The following PCDHA4 variants were observed in gnomAD, a reference collection of about 807,000 sequenced individuals.
PCDHA4 encodes protocadherin alpha 4.
A neutral mutation model predicts 61.4 loss-of-function variants in PCDHA4; 49 were observed. That is an observed-to-expected ratio of 0.80 (90% CI 0.63 to 1.01). The LOEUF (loss-of-function observed/expected upper bound fraction) is 1.01, where lower values mean the gene tolerates loss of function less well. Among genes scored for constraint, PCDHA4 ranks in the 50% least tolerant of loss-of-function variants. The pLI is 0.00. For synonymous variants in PCDHA4, 590 were observed against 550.3 expected (o/e 1.07, Z -1.01); for missense variants, 1,254 against 1,235.8 (o/e 1.01, Z -0.22).
chr5:140,822,199 TTA>T (rs2150114512), intron 1 of PCDHA4: 6 of 1,614,136 alleles, frequency 3.7e-6, no homozygotes, highest in Non-Finnish European at 5.1e-6. Flanking sequence ...ATTATTCATT[TTA>T]GAGTCAAGAA....
chr5:140,923,012 G>A (rs2081117924), intron 1 of PCDHA4, among the ~76,000 whole-genome samples: 1 of 152,206 alleles, frequency 6.6e-6, no homozygotes, highest in Non-Finnish European at 1.5e-5. Flanking sequence ...TTGTTGGACT[G>A]CAGTTTCGGA....
intron 3 of PCDHA4, among the ~76,000 whole-genome samples, chr5:140,991,593 C>T (rs2097461164): frequency 6.6e-6 from 1 of 152,196 alleles, no homozygotes; most frequent in South Asian, 2.1e-4. Flanking sequence ...TCTACCTGAG[C>T]CCTCACTGGC....
chr5:140,884,589 C>T, intron 1 of PCDHA4: 1 of 1,614,146 alleles, frequency 6.2e-7, no homozygotes, highest in Non-Finnish European at 8.5e-7. Flanking sequence ...GCCTTCAGTC[C>T]CAGCCTTCCT....
At chr5:140,990,109 T>C (rs2097374572) in intron 3 of PCDHA4, among the ~76,000 whole-genome samples, 1 of 151,886 alleles carries the variant, frequency 6.6e-6, no homozygotes, top group African/African-American at 2.4e-5. Context: ...AAACAGGAAA[T>C]TGAGAGCTCT....
chr5:140,823,804 G>T lies in PCDHA4; in HGVS notation c.2385+14232G>T, dbSNP rs2150129260. The stretch of plus-strand genomic sequence containing the variant: ...GGTGGAAAGTGGCCAGGCGCCGAAG[G>T]CCTCATCGCGGGCGTCGGCGGGCGC... On this transcript the variant is annotated intron_variant, in intron 1 of 3. Transcript: ENST00000530339. 5 of 1,613,812 alleles carry T rather than the reference G, an allele frequency of 3.1e-6. No individual in the cohort carries two copies. In the Admixed American group the frequency reaches 5.0e-5, roughly 16 times the overall value.
chr5:140,853,242 A>T, intron 1 of PCDHA4: 1 of 978,496 alleles, frequency 1.0e-6, no homozygotes, highest in Non-Finnish European at 1.2e-6. Context: ...CCTTCATATT[A>T]ATCTCTATTC....
At chr5:140,849,211 C>A in intron 1 of PCDHA4, 1 of 1,031,972 alleles carries the variant, frequency 9.7e-7, no homozygotes, top group East Asian at 2.6e-5. Context: ...AATGACAATG[C>A]CCCAGTGTTC....
chr5:140,824,115 C>T, intron 1 of PCDHA4: 1 of 1,613,932 alleles, frequency 6.2e-7, no homozygotes, highest in South Asian at 1.1e-5. Flanking sequence ...AGGGTCCCAC[C>T]TCTACAGACA....
intron 1 of PCDHA4, among the ~76,000 whole-genome samples, chr5:140,932,637 T>C (rs1554209011): frequency 6.6e-6 from 1 of 151,870 alleles, no homozygotes; most frequent in African/African-American, 2.4e-5. Context: ...TAAAAAACTT[T>C]AGAATGATGA....
rs116072877 is a variant in PCDHA4 at position 140,927,686 on chromosome 5, A to G, written c.2386-51263A>G. On this transcript the variant is annotated intron_variant, in intron 1 of 3. Transcript: ENST00000530339. ...GCCTTGGATCCAGATGAAGGGTCCA[A>G]TGGGGAAGTCCAGTACTCCCTAAGC... 796 of 1,614,196 alleles carry G rather than the reference A, an allele frequency of 4.9e-4. 3 individuals carry two copies. The African/African-American group carries it at 7.7e-3, about 16-fold the overall frequency.
intron 1 of PCDHA4, among the ~76,000 whole-genome samples, chr5:140,937,010 C>A (rs2091260078): frequency 6.6e-6 from 1 of 151,324 alleles, no homozygotes; most frequent in Non-Finnish European, 1.5e-5. Context: ...GACAGACAAC[C>A]GATTAACAAG....
Position 140,844,029 on chromosome 5 carries a change from A to C in PCDHA4, c.2385+34457A>C, listed in dbSNP as rs1554140517. Among the ~76,000 whole-genome samples the C allele has an allele frequency of 2.7e-5, 4 of 149,808 alleles. 1 individual carries two copies. The East Asian group carries it at 7.7e-4, about 29-fold the overall frequency. On this transcript the variant is annotated intron_variant, in intron 1 of 3. Coordinates refer to ENST00000530339, the MANE Select transcript of PCDHA4 (RefSeq NM_018907.4). ...CTCTAAGGACGTTCAGGGCATTTTG[A>C]TCTTTGGTGAAAGTATTCCCCCAAA...
At chr5:140,926,632 C>T in intron 1 of PCDHA4, 1 of 432,326 alleles carries the variant, frequency 2.3e-6, no homozygotes, top group Admixed American at 4.2e-5. Flanking sequence ...GCGCTGCGCT[C>T]CTCAACACCC....
At chr5:141,008,382 A>G (rs1458485740) in intron 3 of PCDHA4, among the ~76,000 whole-genome samples, 1 of 152,166 alleles carries the variant, frequency 6.6e-6, no homozygotes, top group African/African-American at 2.4e-5. Flanking sequence ...ATACATAAAC[A>G]TTGCTATGAT....
chr5:140,882,490 T>C, intron 1 of PCDHA4: 1 of 1,614,024 alleles, frequency 6.2e-7, no homozygotes, highest in Non-Finnish European at 8.5e-7. Context: ...ACGGGGACCT[T>C]CTGGAGGTAA....
At chr5:140,850,643 G>T in intron 1 of PCDHA4, 1 of 1,598,690 alleles carries the variant, frequency 6.3e-7, no homozygotes, top group Non-Finnish European at 8.6e-7. Flanking sequence ...TCACGCTGCT[G>T]CTGTACACTG....
At position 140,877,908 on chromosome 5, in the gene PCDHA4, T is replaced by C; in HGVS notation, c.2385+68336T>C. On this transcript the variant is annotated intron_variant, in intron 1 of 3. Coordinates refer to ENST00000530339, the MANE Select transcript of PCDHA4 (RefSeq NM_018907.4). The stretch of plus-strand genomic sequence containing the variant: ...ACTTCCGTTTAGGTTATAACTACAT[T>C]CTCTCATTTTTCTTTATGATTCTAT... 3 of 1,433,546 alleles carry C rather than the reference T, an allele frequency of 2.1e-6. No homozygotes were observed. The South Asian group carries it at 4.7e-5, about 22-fold the overall frequency. 88.8% of individuals were successfully genotyped at this position (1,433,546 alleles called of 1,614,324 possible).
Position 140,807,669 on chromosome 5 carries a change from A to C in PCDHA4, c.482A>C (p.Asp161Ala), listed in dbSNP as rs782656312. ...RFPLEGASDA[D>A]IGENALLTYR... is the part of the protein sequence containing the mutation. ...CCACTAGAGGGCGCCTCGGATGCAG[A>C]TATCGGGGAGAACGCCCTGCTCACT... Residue 161 changes from aspartate to alanine, a missense_variant, in exon 1 of 4, where the codon GAT (aspartate) becomes GCT (alanine). Coordinates refer to ENST00000530339, the MANE Select transcript of PCDHA4 (RefSeq NM_018907.4). 1.7e-5 allele frequency: 28 copies of C among 1,614,110 alleles called. No homozygotes were observed. The highest frequency in any genetic ancestry group is 4.4e-5 in the South Asian group (4 of 91,092).
chr5:141,007,755 CTT>C (rs2098344346), intron 3 of PCDHA4, among the ~76,000 whole-genome samples: 1 of 152,170 alleles, frequency 6.6e-6, no homozygotes, highest in Non-Finnish European at 1.5e-5. Context: ...ACTTTGGACT[CTT>C]ATTGGCCTGG....
Sources: gnomAD v4.1 joint callset for allele counts (sites outside exome capture counted in the v4.1 genomes callset) on GRCh38, gnomAD v4.1.1 for gene constraint, MANE v1.5 for transcripts, NCBI Gene and HGNC (gene_info 2026-07-23, HGNC 2026-07-21) for gene names.